Variants in GABPA observed in about 807,000 individuals in gnomAD.
GABPA encodes GA binding protein transcription factor subunit alpha, also known as GA-binding protein alpha chain.
A neutral mutation model predicts 59.4 loss-of-function variants in GABPA; 4 were observed. The observed-to-expected ratio is 0.07, with a 90% CI of 0.03 to 0.15. The LOEUF is 0.15. Ranked by LOEUF, GABPA falls within the 10% of genes least tolerant of loss-of-function variation. GABPA has a pLI of 1.00. For missense variants in GABPA, 251 were observed against 543.8 expected (o/e 0.46, Z 5.36); for synonymous variants, 164 against 183.1 (o/e 0.90, Z 0.84).
In GABPA at chr21:25,751,989, G is replaced by A. The variant is rs199641457; in HGVS notation, c.308G>A (p.Gly103Glu). ...CAATTTTTTTTTATCCACTGTTCAG[G>A]AATTGAACCAAAGTTAAACATCCTT... The part of the protein sequence containing the change: ...QLSVQVISYQ[G>E]IEPKLNILEI... Residue 103 changes from glycine (G) to glutamate (E), a missense_variant and splice_region_variant, in exon 5 of 10, where the codon GGA (glycine) becomes GAA (glutamate). Physicochemically the swap from Gly to Glu is moderately conservative, Grantham distance 98. Around this residue, in one of 4 missense-constraint regions of GABPA, gnomAD observed 207 missense variants for 366.7 expected, o/e 0.56. Transcript: ENST00000400075. The A allele has an allele frequency of 1.2e-6, 2 of 1,611,866 alleles. No individual in the cohort carries two copies. The highest frequency in any genetic ancestry group is 1.7e-6 in the Non-Finnish European group (2 of 1,178,296).
In GABPA at chr21:25,735,132, GTTC is replaced by G; in HGVS notation, c.-470_-468del. 1.4e-6 allele frequency: 1 copy of G among 690,276 alleles called. No homozygotes were observed. Among genetic ancestry groups the G allele is most frequent in the Non-Finnish European group, 2.6e-6 (1 of 389,076 alleles). 42.8% of individuals were successfully genotyped at this position (690,276 alleles called of 1,614,324 possible). A position where few individuals can be genotyped will look rare whatever the true frequency, so the allele number is the denominator to read the frequency against. On this transcript the variant is annotated 5_prime_UTR_variant, in exon 1 of 10. Coordinates refer to ENST00000400075, the MANE Select transcript of GABPA (RefSeq NM_002040.4). ...ATCTTTTCTTCGCCTAATTTGACCC[GTTC>G]TTTTTCCCCTCCTTGAAACCTTGCT...
chr21:25,758,709 T>A (rs971062390), intron 6 of GABPA, among the ~76,000 whole-genome samples: 1 of 152,192 alleles, frequency 6.6e-6, no homozygotes, highest in Admixed American at 6.5e-5. Context: ...AATAGAGTCT[T>A]AAGAGGGAAG....
At chr21:25,739,687 T>C (rs537135570) in intron 1 of GABPA, among the ~76,000 whole-genome samples, 16 of 152,330 alleles carry the variant, frequency 1.1e-4, no homozygotes, top group South Asian at 4.1e-4. Flanking sequence ...ACGATCATCA[T>C]TGACTGCAGC....
chr21:25,763,331 T>A (rs918225746), intron 7 of GABPA: 9 of 285,966 alleles, frequency 3.1e-5, no homozygotes, highest in African/African-American at 1.1e-4. Context: ...AGCTTTTAGC[T>A]ATGTTTTACC....
chr21:25,758,886 G>C (rs540197676), intron 6 of GABPA, among the ~76,000 whole-genome samples: 1 of 152,152 alleles, frequency 6.6e-6, no homozygotes, highest in South Asian at 2.1e-4. Context: ...CCTGGCCAAC[G>C]TGGTGAAACC....
At chr21:25,752,296 C>T (rs2035532504) in intron 5 of GABPA, 62 bp downstream of exon 5, 1 of 1,483,184 alleles carries the variant, frequency 6.7e-7, no homozygotes, top group Admixed American at 1.8e-5. Context: ...ACATAGAAGA[C>T]ACTAGGGTAA....
At position 25,770,903 on chromosome 21, in the gene GABPA, G is replaced by A. The variant is rs2035997242; in HGVS notation, c.*1671G>A. 6.6e-6 allele frequency: 1 copy of A among 152,036 alleles called. No individual in the cohort carries two copies. The highest frequency in any genetic ancestry group is 2.4e-5 in the African/African-American group (1 of 41,434). The allele number at this position is 152,036 out of a possible 1,614,324, so 9.4% of individuals were successfully genotyped here. A position where few individuals can be genotyped will look rare whatever the true frequency, so the allele number is the denominator to read the frequency against. On this transcript the variant is annotated 3_prime_UTR_variant, in exon 10 of 10. Coordinates refer to ENST00000400075, the MANE Select transcript of GABPA (RefSeq NM_002040.4). ...TAAGCTCTTCCTGCAGTTGATATCT[G>A]AGCAGAGTAAGATTTGTATTTCCAT... is the stretch of plus-strand genomic sequence containing the variant.
At chr21:25,746,796 A>T (rs541449610) in intron 3 of GABPA, among the ~76,000 whole-genome samples, 1 of 152,322 alleles carries the variant, frequency 6.6e-6, no homozygotes, top group South Asian at 2.1e-4. Context: ...TAACAGTTCC[A>T]CTTCAGCAAA....
intron 2 of GABPA, among the ~76,000 whole-genome samples, chr21:25,742,087 G>T (rs1159003233): frequency 6.6e-6 from 1 of 152,156 alleles, no homozygotes; most frequent in Non-Finnish European, 1.5e-5. Context: ...CCTTATAAAG[G>T]CCACGTTGTA....
intron 4 of GABPA, among the ~76,000 whole-genome samples, chr21:25,750,427 T>C (rs1335691251): frequency 6.6e-6 from 1 of 152,200 alleles, no homozygotes; most frequent in Non-Finnish European, 1.5e-5. Flanking sequence ...TGGTCACGCC[T>C]GGAACCCTAG....
At chr21:25,743,093 G>A (rs776067805) in intron 2 of GABPA, among the ~76,000 whole-genome samples, 3 of 152,188 alleles carry the variant, frequency 2.0e-5, no homozygotes, top group Non-Finnish European at 2.9e-5. Context: ...GGGCTAGGGT[G>A]TCTGCGTCCA....
intron 2 of GABPA, among the ~76,000 whole-genome samples, chr21:25,744,009 A>C (rs2008267): frequency 0.096 from 12,958 of 134,942 alleles, 737 homozygotes; most frequent in Middle Eastern, 0.2. Context: ...GCGCCACTGC[A>C]CCCCAGCCTA....
intron 1 of GABPA, among the ~76,000 whole-genome samples, chr21:25,738,875 A>C (rs959618739): frequency 2.0e-5 from 3 of 152,166 alleles, no homozygotes; most frequent in Non-Finnish European, 2.9e-5. Flanking sequence ...CCAGTTAAGG[A>C]ATAGGCTTTA....
rs1447216010 is a variant in GABPA, at chr21:25,764,582, C to T, written c.944-13C>T. On this transcript the variant is annotated splice_polypyrimidine_tract_variant and intron_variant, in intron 8 of 9. Transcript: ENST00000400075. ...ACACTATAGCTAATGCTTTGTTCCT[C>T]TTACCAATTTAGGAAACAATGGCCA... is the stretch of plus-strand genomic sequence containing the variant. 2 of 1,606,760 alleles carry T rather than the reference C, an allele frequency of 1.2e-6. No individual in the cohort carries two copies. The highest frequency in any genetic ancestry group is 1.7e-5 in the Admixed American group (1 of 59,604).
chr21:25,735,663 C>G (rs913181208), intron 1 of GABPA, 85 bp downstream of exon 1: 3 of 152,216 alleles, frequency 2.0e-5, no homozygotes, highest in African/African-American at 7.2e-5. Context: ...CAAGGGCCCC[C>G]CCGCGGCCGC....
At chr21:25,766,811 T>A (rs1286048528) in intron 9 of GABPA, among the ~76,000 whole-genome samples, 9 of 151,954 alleles carry the variant, frequency 5.9e-5, no homozygotes, top group Non-Finnish European at 1.0e-4. Flanking sequence ...GAGATGTACT[T>A]CTATGCCCAT....
In GABPA at chr21:25,771,256, ATGTG is replaced by A. The variant is rs142668569; in HGVS notation, c.*2030_*2033del. 4.7e-4 allele frequency: 72 copies of A among 152,112 alleles called. No individual in the cohort carries two copies. Among genetic ancestry groups the A allele is most frequent in the Admixed American group, 9.2e-4 (14 of 15,286 alleles). 9.4% of individuals were successfully genotyped at this position (152,112 alleles called of 1,614,324 possible). On this transcript the variant is annotated 3_prime_UTR_variant, in exon 10 of 10. Coordinates refer to ENST00000400075, the MANE Select transcript of GABPA (RefSeq NM_002040.4). Reference sequence around the variant, plus strand: ...GATGATAGACATGTCTCAATTATATATGTGTGTGTATGTTTTTAAAGCTAAAAAC... The same window carrying A: ...GATGATAGACATGTCTCAATTATATATGTGTATGTTTTTAAAGCTAAAAAC...
rs748620730 is a variant in GABPA, at chr21:25,741,714, C to T, written c.77+39C>T. 13 of 1,288,552 alleles carry T rather than the reference C, an allele frequency of 1.0e-5. No individual in the cohort carries two copies. The African/African-American group carries it at 1.2e-4, about 12-fold the overall frequency. The allele number at this position is 1,288,552 out of a possible 1,614,324, so 79.8% of individuals were successfully genotyped here. A position where few individuals can be genotyped will look rare whatever the true frequency, so the allele number is the denominator to read the frequency against. On this transcript the variant is annotated intron_variant, in intron 2 of 9. Transcript: ENST00000400075. ...AATTTATCATTTTTTTTCAAAATAT[C>T]AATATACCTAATTAAAACCAGGAAA...
At chr21:25,736,335 C>T (rs1180972246) in intron 1 of GABPA, among the ~76,000 whole-genome samples, 2 of 152,128 alleles carry the variant, frequency 1.3e-5, no homozygotes, top group Non-Finnish European at 2.9e-5. Flanking sequence ...GTGAGAAGAG[C>T]AAAGATTTAG....
Sources: gnomAD v4.1 joint callset for allele counts (sites outside exome capture counted in the v4.1 genomes callset) on GRCh38, gnomAD v4.1.1 for gene constraint, gnomAD v4.1.1 regional missense constraint, MANE v1.5 for transcripts, NCBI Gene and HGNC (gene_info 2026-07-23, HGNC 2026-07-21) for gene names.